Variants in CCDC88C observed in about 807,000 individuals in gnomAD.
The protein encoded by CCDC88C is protein Daple.
A neutral mutation model predicts 198.8 loss-of-function variants in CCDC88C; 131 were observed. The ratio of observed to expected loss-of-function variants is 0.66; its 90% CI spans 0.57 to 0.76. The LOEUF is 0.76. Among genes scored for constraint, CCDC88C ranks in the 30% least tolerant of loss-of-function variants. The probability of loss-of-function intolerance (pLI) is 0.00; values close to 1 mark genes in which losing one functional copy is unlikely to be tolerated. For synonymous variants in CCDC88C, 1,166 were observed against 1,114.7 expected, an observed-to-expected ratio of 1.05 and a Z score of -0.92; for missense variants, 2,553 against 2,631.6, an observed-to-expected ratio of 0.97 and a Z score of 0.65.
intron 4 of CCDC88C, among the ~76,000 whole-genome samples, chr14:91,354,772 GACA>G (rs780664773): frequency 3.3e-5 from 5 of 152,188 alleles, no homozygotes; most frequent in Non-Finnish European, 5.9e-5. Flanking sequence ...CGAACGCACT[GACA>G]ACAACAACAA....
At position 91,272,912 on chromosome 14, in the gene CCDC88C, C is replaced by T; in HGVS notation, c.5800G>A (p.Ala1934Thr). The change falls in exon 30 of 30, where the codon GCC becomes ACC. Residue 1934 changes from alanine to threonine, a missense_variant. Coordinates refer to ENST00000389857, the MANE Select transcript of CCDC88C (RefSeq NM_001080414.4). ...TTGGGCTTGGTCCTGGCAGCCGGGGCTGCAGCAGGTGAGAAGTGCAGGAGC... is the reference window on the plus strand; with the variant it reads ...TTGGGCTTGGTCCTGGCAGCCGGGGTTGCAGCAGGTGAGAAGTGCAGGAGC... ...SQLLHFSPAA[A>T]PAARTKPKAP... 1 of 1,576,498 alleles carries T rather than the reference C, an allele frequency of 6.3e-7. No individual in the cohort carries two copies. The highest frequency in any genetic ancestry group is 8.6e-7 in the Non-Finnish European group (1 of 1,165,674).
intron 3 of CCDC88C, among the ~76,000 whole-genome samples, chr14:91,385,872 T>C (rs1314510427): frequency 2.0e-5 from 3 of 152,136 alleles, no homozygotes; most frequent in Non-Finnish European, 4.4e-5. Context: ...TTGCTGCCTA[T>C]GACACATCTC....
intron 3 of CCDC88C, among the ~76,000 whole-genome samples, chr14:91,373,686 T>C (rs1433376488): frequency 6.6e-6 from 1 of 152,150 alleles, no homozygotes; most frequent in Non-Finnish European, 1.5e-5. Flanking sequence ...CGGGACACAG[T>C]TGAAAAGCCG....
At chr14:91,359,160 CTTTTT>C (rs950112450) in intron 4 of CCDC88C, among the ~76,000 whole-genome samples, 4 of 108,656 alleles carry the variant, frequency 3.7e-5, no homozygotes, top group African/African-American at 1.1e-4. Context: ...AGGCTTCATT[CTTTTT>C]TTTTTTTTTT....
At chr14:91,351,986 G>A (rs992516536) in intron 4 of CCDC88C, among the ~76,000 whole-genome samples, 2 of 152,164 alleles carry the variant, frequency 1.3e-5, no homozygotes, top group Non-Finnish European at 2.9e-5. Context: ...CTGAAGACCA[G>A]AAAAGCAGAA....
At chr14:91,303,191 A>AG (rs955839488) in intron 20 of CCDC88C, among the ~76,000 whole-genome samples, 22 of 151,206 alleles carry the variant, frequency 1.5e-4, no homozygotes, top group African/African-American at 4.6e-4. Flanking sequence ...AGGCCTACCC[A>AG]GGGGCCCCAC....
chr14:91,345,190 A>T (rs11621543), intron 4 of CCDC88C, among the ~76,000 whole-genome samples: 8,790 of 52,672 alleles, frequency 0.17, 1,190 homozygotes, highest in African/African-American at 0.26. Context: ...ATATATATAT[A>T]TTTTTTTTTT....
chr14:91,272,511 C>A lies in CCDC88C; in HGVS notation c.*114G>T. 1 of 1,087,714 alleles carries A rather than the reference C, an allele frequency of 9.2e-7. No individual in the cohort carries two copies. The highest frequency in any genetic ancestry group is 1.3e-6 in the Non-Finnish European group (1 of 756,326). 67.4% of individuals were successfully genotyped at this position (1,087,714 alleles called of 1,614,324 possible). On this transcript the variant is annotated 3_prime_UTR_variant, in exon 30 of 30. Coordinates refer to ENST00000389857, the MANE Select transcript of CCDC88C (RefSeq NM_001080414.4). ...ACAAACAGCAGAAATGCGTGGGAAC[C>A]CCTTTCCTCATTCCAAACCCTCTCC...
rs1319624842 is a variant in CCDC88C at position 91,340,039 on chromosome 14, G to A, written c.484-15C>T. The stretch of plus-strand genomic sequence containing the variant: ...TTGTGAGTCACCTGTGGGCACACAT[G>A]GCAGGGCACTGCAGGGGCGGCAGAG... On this transcript the variant is annotated splice_polypyrimidine_tract_variant and intron_variant, in intron 6 of 29. Transcript: ENST00000389857. 2 of 1,608,768 alleles carry A rather than the reference G, an allele frequency of 1.2e-6. No homozygotes were observed. Among genetic ancestry groups the A allele is most frequent in the Non-Finnish European group, 1.7e-6 (2 of 1,178,222 alleles).
At chr14:91,347,657 T>C (rs556711668) in intron 4 of CCDC88C, among the ~76,000 whole-genome samples, 164 of 152,202 alleles carry the variant, frequency 1.1e-3, no homozygotes, top group African/African-American at 3.9e-3. Context: ...CCAGTTAGAA[T>C]GGCGATCATT....
At chr14:91,357,881 G>T (rs1894112086) in intron 4 of CCDC88C, among the ~76,000 whole-genome samples, 1 of 152,240 alleles carries the variant, frequency 6.6e-6, no homozygotes, top group Non-Finnish European at 1.5e-5. Context: ...GGCAGAGCTG[G>T]CAGGGGAGCA....
At chr14:91,380,010 A>C in intron 3 of CCDC88C, 1 of 649,000 alleles carries the variant, frequency 1.5e-6, no homozygotes, top group Admixed American at 2.4e-5. Context: ...GTGAGAACCA[A>C]CTCCACGCTG....
rs1892555292 is a variant in CCDC88C at position 91,325,688 on chromosome 14, T to C, written c.1197+222A>G. ...ACCTCCCAGGCTCAAGCAACCCTCC[T>C]GCCTCAGTCTCTCCCAAGTAGATGG... On this transcript the variant is annotated intron_variant, in intron 11 of 29. Coordinates refer to ENST00000389857, the MANE Select transcript of CCDC88C (RefSeq NM_001080414.4). The surrounding 1 kb of genome is among the most constrained non-coding windows in gnomAD (Gnocchi z 4.1). Among the ~76,000 whole-genome samples, 2 of 152,142 alleles carry C rather than the reference T, an allele frequency of 1.3e-5. No homozygotes were observed. The highest frequency in any genetic ancestry group is 2.9e-5 in the Non-Finnish European group (2 of 68,014).
chr14:91,355,164 G>A (rs1323461895), intron 4 of CCDC88C, among the ~76,000 whole-genome samples: 5 of 152,212 alleles, frequency 3.3e-5, no homozygotes, highest in Non-Finnish European at 5.9e-5. Context: ...GAGCAGCCAG[G>A]CGGAAGCAGG....
chr14:91,395,378 A>G (rs1454934075), intron 3 of CCDC88C, among the ~76,000 whole-genome samples: 1 of 152,120 alleles, frequency 6.6e-6, no homozygotes, highest in Non-Finnish European at 1.5e-5. Flanking sequence ...ACAACCACCT[A>G]TAAGGTAATT....
rs144554387 is a variant in CCDC88C at position 91,297,793 on chromosome 14, A to T, written c.3780-302T>A. Among the ~76,000 whole-genome samples, 182 of 152,330 alleles carry T rather than the reference A, an allele frequency of 1.2e-3. 1 individual carries two copies. Among genetic ancestry groups the T allele is most frequent in the African/African-American group, 4.1e-3 (172 of 41,584 alleles). The stretch of plus-strand genomic sequence containing the variant: ...CCTGTTTCAACACAGCATCACTGCT[A>T]CCATCACTTCCATGCTACAGCTTTG... On this transcript the variant is annotated intron_variant, in intron 21 of 29. Transcript: ENST00000389857.
Position 91,288,577 on chromosome 14 carries a change from C to T in CCDC88C, c.4441+528G>A, listed in dbSNP as rs141950893. Among the ~76,000 whole-genome samples, 161 of 152,230 alleles carry T rather than the reference C, an allele frequency of 1.1e-3. No individual in the cohort carries two copies. The highest frequency in any genetic ancestry group is 3.8e-3 in the African/African-American group (156 of 41,554). On this transcript the variant is annotated intron_variant, in intron 25 of 29. Coordinates refer to ENST00000389857, the MANE Select transcript of CCDC88C (RefSeq NM_001080414.4). This position sits in a 1 kb window ranked among gnomAD's most constrained non-coding sequence, Gnocchi z 4.2. ...AGCTTTGGATATTGAGATATCTGCCCGGCTACATGATGAATGATACCTTTT... is the reference window on the plus strand; with the variant it reads ...AGCTTTGGATATTGAGATATCTGCCTGGCTACATGATGAATGATACCTTTT...
chr14:91,372,092 G>A (rs1165383697), intron 3 of CCDC88C, among the ~76,000 whole-genome samples: 1 of 152,190 alleles, frequency 6.6e-6, no homozygotes, highest in African/African-American at 2.4e-5. Flanking sequence ...TCCCAGGGCA[G>A]GCATCTGGAG....
intron 4 of CCDC88C, among the ~76,000 whole-genome samples, chr14:91,344,155 C>A (rs879484997): frequency 3.1e-4 from 47 of 152,170 alleles, no homozygotes; most frequent in Admixed American, 2.8e-3. Context: ...GAATTCTGTA[C>A]ATAACTATTT....
Sources: gnomAD v4.1 joint callset for allele counts (sites outside exome capture counted in the v4.1 genomes callset) on GRCh38, gnomAD v4.1.1 for gene constraint, Gnocchi (gnomAD v3.1) non-coding constraint, MANE v1.5 for transcripts, NCBI Gene and HGNC (gene_info 2026-07-23, HGNC 2026-07-21) for gene names.